The following TMEM108 variants were observed in gnomAD, a reference collection of about 807,000 sequenced individuals.
The protein encoded by TMEM108 is transmembrane protein 108.
TMEM108 carries 12 observed loss-of-function variants against 35.1 expected under a neutral mutation model. The ratio of observed to expected loss-of-function variants is 0.34; its 90% CI spans 0.22 to 0.55. TMEM108 has a LOEUF of 0.55. Ranked by LOEUF, TMEM108 falls within the 20% of genes least tolerant of loss-of-function variation. The probability of loss-of-function intolerance (pLI) is 0.89; values close to 1 mark genes in which losing one functional copy is unlikely to be tolerated. For synonymous variants in TMEM108, 287 were observed against 308.6 expected (o/e 0.93, Z 0.73); for missense variants, 680 against 753.3 (o/e 0.90, Z 1.14).
chr3:133,133,577 T>C (rs894186297), intron 2 of TMEM108, among the ~76,000 whole-genome samples: 6 of 152,196 alleles, frequency 3.9e-5, no homozygotes, highest in Non-Finnish European at 7.3e-5. Context: ...AGGAAGATCA[T>C]ATGCCATTTG....
At chr3:133,388,835 C>T (rs2073191119) in intron 4 of TMEM108, 1 of 985,618 alleles carries the variant, frequency 1.0e-6, no homozygotes, top group Non-Finnish European at 1.2e-6. Flanking sequence ...TGTGCAACTG[C>T]CCCACACCCT....
intron 3 of TMEM108, among the ~76,000 whole-genome samples, chr3:133,337,926 A>T (rs1385177526): frequency 1.5e-4 from 23 of 152,318 alleles, no homozygotes; most frequent in African/African-American, 5.5e-4. Flanking sequence ...TGAAGAATGT[A>T]TCAGGGTCTT....
At chr3:133,306,671 T>C (rs937159605) in intron 3 of TMEM108, among the ~76,000 whole-genome samples, 2 of 152,174 alleles carry the variant, frequency 1.3e-5, no homozygotes, top group African/African-American at 4.8e-5. Context: ...TCCAGCTTCA[T>C]CCATGTCCCT....
chr3:133,266,069 T>TTTTTTTTTTTTTTTTTTTGAGAC (rs1559886826), intron 3 of TMEM108, among the ~76,000 whole-genome samples: 1 of 152,198 alleles, frequency 6.6e-6, no homozygotes, highest in African/African-American at 2.4e-5. Flanking sequence ...GATCTCTTTT[T>TTTTTTTTTTTTTTTTTTTGAGAC]GCCTTGACTC....
chr3:133,105,031 T>C (rs1944132787), intron 2 of TMEM108, among the ~76,000 whole-genome samples: 1 of 152,196 alleles, frequency 6.6e-6, no homozygotes, highest in Non-Finnish European at 1.5e-5. Context: ...AGGCATCTGT[T>C]AGTCTTTGTG....
chr3:133,074,095 A>G (rs545531156), intron 2 of TMEM108, among the ~76,000 whole-genome samples: 13 of 152,068 alleles, frequency 8.5e-5, no homozygotes, highest in South Asian at 2.1e-4. Context: ...AGTTACTTGT[A>G]CCTGTCTCCA....
chr3:133,258,019 G>A (rs1946571662), intron 3 of TMEM108, among the ~76,000 whole-genome samples: 1 of 152,154 alleles, frequency 6.6e-6, no homozygotes, highest in Non-Finnish European at 1.5e-5. Context: ...GCTGTAGACT[G>A]TATGTTTATG....
intron 3 of TMEM108, among the ~76,000 whole-genome samples, chr3:133,282,879 A>G (rs1342339815): frequency 2.6e-5 from 4 of 152,242 alleles, no homozygotes; most frequent in Non-Finnish European, 5.9e-5. Flanking sequence ...AGGAGCAGTT[A>G]AAAAGAGCAA....
At chr3:133,137,824 G>A (rs1431477653) in intron 2 of TMEM108, among the ~76,000 whole-genome samples, 1 of 152,118 alleles carries the variant, frequency 6.6e-6, no homozygotes, top group Non-Finnish European at 1.5e-5. Context: ...GGTTGTCTTG[G>A]GAGCAGGTCT....
chr3:133,336,031 G>C (rs1301523438), intron 3 of TMEM108, among the ~76,000 whole-genome samples: 1 of 152,142 alleles, frequency 6.6e-6, no homozygotes, highest in Non-Finnish European at 1.5e-5. Flanking sequence ...TAGCCAGAGA[G>C]GAATTGCCCA....
chr3:133,163,405 A>G (rs1296640301), intron 2 of TMEM108, among the ~76,000 whole-genome samples: 1 of 152,228 alleles, frequency 6.6e-6, no homozygotes, highest in Admixed American at 6.5e-5. Context: ...TGTCCAACCA[A>G]CTTATGCCAC....
intron 2 of TMEM108, among the ~76,000 whole-genome samples, chr3:133,081,419 A>T (rs1943809058): frequency 1.3e-5 from 2 of 152,214 alleles, no homozygotes; most frequent in Non-Finnish European, 2.9e-5. Context: ...CCTCACCCTC[A>T]TGACCTCATC....
At chr3:133,361,653 C>G (rs2072353921) in intron 3 of TMEM108, among the ~76,000 whole-genome samples, 1 of 152,132 alleles carries the variant, frequency 6.6e-6, no homozygotes, top group East Asian at 1.9e-4. Flanking sequence ...GGAAGATTCA[C>G]ATAGCTGGAG....
At chr3:133,096,400 A>G (rs1521087) in intron 2 of TMEM108, among the ~76,000 whole-genome samples, 33,231 of 152,124 alleles carry the variant, frequency 0.22, 4,402 homozygotes, top group Non-Finnish European at 0.3. Context: ...ACCTCAAGCA[A>G]TCCTGCCTTG....
chr3:133,357,883 A>G (rs1334806331), intron 3 of TMEM108, among the ~76,000 whole-genome samples: 2 of 152,192 alleles, frequency 1.3e-5, no homozygotes, highest in Non-Finnish European at 2.9e-5. Flanking sequence ...TCACCACTGT[A>G]GAACTCATCC....
At chr3:133,293,718 C>T (rs770414546) in intron 3 of TMEM108, among the ~76,000 whole-genome samples, 36 of 152,060 alleles carry the variant, frequency 2.4e-4, no homozygotes, top group Non-Finnish European at 2.6e-4. Flanking sequence ...TCTTTTTCTC[C>T]ACTTACATGA....
intron 2 of TMEM108, among the ~76,000 whole-genome samples, chr3:133,061,626 T>C (rs1428631457): frequency 6.6e-6 from 1 of 152,212 alleles, no homozygotes; most frequent in Non-Finnish European, 1.5e-5. Context: ...GTACAGAGGA[T>C]TGGACATTGC....
At chr3:133,340,766 A>T (rs1440089236) in intron 3 of TMEM108, among the ~76,000 whole-genome samples, 1 of 151,776 alleles carries the variant, frequency 6.6e-6, no homozygotes, top group African/African-American at 2.4e-5. Context: ...AGGATAATGC[A>T]CAAATCAATT....
At chr3:133,376,388 G>C (rs961371629) in intron 3 of TMEM108, among the ~76,000 whole-genome samples, 1 of 152,124 alleles carries the variant, frequency 6.6e-6, no homozygotes, top group African/African-American at 2.4e-5. Flanking sequence ...CTTGGTCTCC[G>C]GTCTTTTATT....
Sources: allele counts gnomAD v4.1 joint callset (sites outside exome capture counted in the v4.1 genomes callset), GRCh38; gene constraint gnomAD v4.1.1; transcripts MANE v1.5; gene names NCBI Gene and HGNC (gene_info 2026-07-23, HGNC 2026-07-21).